The following TECRL variants were observed in gnomAD, a reference collection of about 807,000 sequenced individuals.
TECRL encodes trans-2,3-enoyl-CoA reductase-like.
In TECRL, 63 loss-of-function variants were observed where a neutral mutation model predicts 52.8. The ratio of observed to expected loss-of-function variants is 1.19; its 90% CI spans 0.97 to 1.47. The LOEUF is 1.47. TECRL is among the 40% of genes most tolerant of loss of function. The probability of loss-of-function intolerance (pLI) is 0.00; values close to 1 mark genes in which losing one functional copy is unlikely to be tolerated. For synonymous variants in TECRL, 164 were observed against 141.9 expected (o/e 1.16, Z -1.10); for missense variants, 482 against 429.6 (o/e 1.12, Z -1.08).
intron 2 of TECRL, among the ~76,000 whole-genome samples, chr4:64,364,896 A>T (rs1450981663): frequency 6.6e-6 from 1 of 151,996 alleles, no homozygotes; most frequent in Non-Finnish European, 1.5e-5. Flanking sequence ...CTCCTCCCTA[A>T]CTCATTCTAT....
intron 9 of TECRL, among the ~76,000 whole-genome samples, chr4:64,281,851 AT>A (rs1389105053): frequency 1.3e-5 from 2 of 151,808 alleles, no homozygotes; most frequent in Non-Finnish European, 2.9e-5. Flanking sequence ...ATATATATAA[AT>A]TATTTTTACA....
intron 1 of TECRL, among the ~76,000 whole-genome samples, chr4:64,377,132 C>T (rs568065076): frequency 6.6e-6 from 1 of 151,978 alleles, no homozygotes. Flanking sequence ...ATTATACACT[C>T]TTAACATTTC....
chr4:64,389,790 C>T (rs1460805533), intron 1 of TECRL, among the ~76,000 whole-genome samples: 2 of 151,646 alleles, frequency 1.3e-5, no homozygotes, highest in Admixed American at 6.6e-5. Flanking sequence ...TATGCCTATT[C>T]AAAAATGAAA....
At chr4:64,369,455 T>C (rs13112966) in intron 2 of TECRL, among the ~76,000 whole-genome samples, 135,947 of 152,088 alleles carry the variant, frequency 0.89, 61,526 homozygotes, top group East Asian at 1. Flanking sequence ...ATTTCTAAAA[T>C]GAACTTTGTA....
At chr4:64,345,906 G>GAAAAAAAAA (rs1401459880) in intron 2 of TECRL, among the ~76,000 whole-genome samples, 4 of 2,742 alleles carry the variant, frequency 1.5e-3, no homozygotes, top group Admixed American at 3.4e-3. Flanking sequence ...TGCCTCAACA[G>GAAAAAAAAA]CAAAAAAAAA....
At chr4:64,388,674 A>G (rs1447454782) in intron 1 of TECRL, among the ~76,000 whole-genome samples, 1 of 151,814 alleles carries the variant, frequency 6.6e-6, no homozygotes. Context: ...ATCTCTCCAT[A>G]TATTTAGTTC....
chr4:64,324,974 A>G (rs945264420), intron 3 of TECRL, among the ~76,000 whole-genome samples: 5 of 152,330 alleles, frequency 3.3e-5, no homozygotes, highest in African/African-American at 1.2e-4. Context: ...TGGCTTTAAA[A>G]AATGAGATTA....
chr4:64,341,790 G>C (rs1200850882), intron 2 of TECRL, among the ~76,000 whole-genome samples: 8 of 152,068 alleles, frequency 5.3e-5, no homozygotes, highest in Non-Finnish European at 1.2e-4. Context: ...ACACTCCCTG[G>C]TGACAGCTGG....
chr4:64,386,537 T>C (rs12646434), intron 1 of TECRL, among the ~76,000 whole-genome samples: 35,948 of 151,944 alleles, frequency 0.24, 4,436 homozygotes, highest in Middle Eastern at 0.3. Context: ...GGACAAAGTA[T>C]GGGAAGTGAT....
At chr4:64,280,482 T>A (rs1056091145) in intron 11 of TECRL, among the ~76,000 whole-genome samples, 2 of 152,126 alleles carry the variant, frequency 1.3e-5, no homozygotes, top group African/African-American at 2.4e-5. Context: ...TACTTAAAAA[T>A]TTTCAATAAT....
At chr4:64,285,202 A>G (rs941617871) in intron 9 of TECRL, among the ~76,000 whole-genome samples, 2 of 152,084 alleles carry the variant, frequency 1.3e-5, no homozygotes, top group Non-Finnish European at 2.9e-5. Context: ...CTGCCTTACA[A>G]GGTCTTTTTC....
intron 1 of TECRL, among the ~76,000 whole-genome samples, chr4:64,392,969 T>G (rs1360294213): frequency 6.6e-6 from 1 of 151,934 alleles, no homozygotes; most frequent in Admixed American, 6.6e-5. Context: ...TCAAGTTATA[T>G]ACTAGTCACT....
intron 1 of TECRL, among the ~76,000 whole-genome samples, chr4:64,404,316 C>T (rs539012920): frequency 4.1e-4 from 62 of 150,354 alleles, no homozygotes; most frequent in South Asian, 8.4e-4. Context: ...ATATTGGAAA[C>T]ATTTACCATT....
chr4:64,406,290 T>C (rs1724722851), intron 1 of TECRL, among the ~76,000 whole-genome samples: 1 of 151,990 alleles, frequency 6.6e-6, no homozygotes, highest in African/African-American at 2.4e-5. Context: ...TTGTCCATTT[T>C]AAAGTTTGAG....
chr4:64,355,712 G>C (rs1031979081), intron 2 of TECRL, among the ~76,000 whole-genome samples: 2 of 150,918 alleles, frequency 1.3e-5, no homozygotes, highest in African/African-American at 4.9e-5. Flanking sequence ...TGAGAATGGC[G>C]TGAAGCTGGG....
chr4:64,366,770 A>C (rs1721623978), intron 2 of TECRL, among the ~76,000 whole-genome samples: 1 of 152,156 alleles, frequency 6.6e-6, no homozygotes, highest in African/African-American at 2.4e-5. Context: ...CAAGTTGTAG[A>C]GAACAGGGGA....
intron 1 of TECRL, chr4:64,397,898 A>ATGTGTGTGTGTG (rs56714682): frequency 4.0e-4 from 60 of 150,192 alleles, no homozygotes; most frequent in African/African-American, 1.1e-3. Flanking sequence ...GGAAAGAAAT[A>ATGTGTGTGTGTG]TGTGTGTGTG....
chr4:64,285,800 G>T (rs762556791), intron 9 of TECRL, among the ~76,000 whole-genome samples: 12 of 152,044 alleles, frequency 7.9e-5, no homozygotes, highest in Non-Finnish European at 1.3e-4. Flanking sequence ...TTCCAAGAAA[G>T]AAAATGATGC....
At chr4:64,350,501 A>G (rs976146887) in intron 2 of TECRL, among the ~76,000 whole-genome samples, 3 of 152,200 alleles carry the variant, frequency 2.0e-5, no homozygotes, top group African/African-American at 4.8e-5. Flanking sequence ...TTTTTGAATG[A>G]GATTAACATT....
Sources: gnomAD v4.1 joint callset for allele counts (sites outside exome capture counted in the v4.1 genomes callset) on GRCh38, gnomAD v4.1.1 for gene constraint, MANE v1.5 for transcripts, NCBI Gene and HGNC (gene_info 2026-07-23, HGNC 2026-07-21) for gene names.